TENM2: variants seen among roughly 807,000 people sequenced by gnomAD.
The protein encoded by TENM2 is teneurin-2.
In TENM2, 52 loss-of-function variants were observed where a neutral mutation model predicts 245.2. That is an observed-to-expected ratio of 0.21 (90% confidence interval 0.17 to 0.27). The LOEUF is 0.27. TENM2 is among the 10% of genes least tolerant of loss of function. TENM2 has a pLI of 1.00. For synonymous variants in TENM2, 1,363 were observed against 1,438.9 expected, an observed-to-expected ratio of 0.95 and a Z score of 1.19; for missense variants, 3,046 against 3,666.8, an observed-to-expected ratio of 0.83 and a Z score of 4.37.
chr5:168,247,453 A>G lies in TENM2; in HGVS notation c.6514A>G (p.Met2172Val). The G allele has an allele frequency of 6.2e-7, 1 of 1,613,254 alleles. No homozygotes were observed. The highest frequency in any genetic ancestry group is 2.2e-5 in the East Asian group (1 of 44,850). The change falls in exon 27 of 29, where the codon ATG (methionine) becomes GTG (valine). Residue 2172 changes from methionine (M) to valine (V), a missense_variant. Coordinates refer to ENST00000518659, the Ensembl canonical transcript of TENM2. The surrounding 1 kb of genome is among the most constrained non-coding windows in gnomAD (Gnocchi z 7.8). ...CCAGTATGAGATGTTCCGGTCCCTC[A>G]TGTACTGGATGACGGTGCAATATGA...
At chr5:167,526,713 T>A (rs1278050665) in intron 2 of TENM2, among the ~76,000 whole-genome samples, 1 of 152,178 alleles carries the variant, frequency 6.6e-6, no homozygotes, top group Non-Finnish European at 1.5e-5. Flanking sequence ...TCCTTCTTTC[T>A]AATTCCTATT....
At chr5:167,492,959 T>A (rs1254118616) in intron 2 of TENM2, among the ~76,000 whole-genome samples, 1 of 152,046 alleles carries the variant, frequency 6.6e-6, no homozygotes, top group African/African-American at 2.4e-5. Flanking sequence ...CTTGGCAAAA[T>A]GTCAGCCAGG....
intron 2 of TENM2, among the ~76,000 whole-genome samples, chr5:167,404,496 C>A (rs1006401322): frequency 6.6e-6 from 1 of 152,066 alleles, no homozygotes; most frequent in Non-Finnish European, 1.5e-5. Context: ...GTGTAGCCCA[C>A]TGGGGAGAGA....
intron 7 of TENM2, among the ~76,000 whole-genome samples, chr5:168,073,726 G>T (rs1791224832): frequency 6.6e-6 from 1 of 152,212 alleles, no homozygotes; most frequent in Admixed American, 6.5e-5. Flanking sequence ...GGAAAATCTT[G>T]TTGAAAATAA....
chr5:168,206,071 C>T (rs555312170), intron 19 of TENM2, among the ~76,000 whole-genome samples: 10 of 152,284 alleles, frequency 6.6e-5, no homozygotes, highest in East Asian at 3.9e-4. Context: ...AAGACAGAAA[C>T]GAATCAAGGG....
At chr5:167,516,657 A>G (rs1770398697) in intron 2 of TENM2, among the ~76,000 whole-genome samples, 1 of 152,206 alleles carries the variant, frequency 6.6e-6, no homozygotes, top group Non-Finnish European at 1.5e-5. Context: ...ATGATTTTCC[A>G]CATCCCATTT....
intron 2 of TENM2, among the ~76,000 whole-genome samples, chr5:167,799,949 G>A (rs1378648802): frequency 6.6e-6 from 1 of 152,296 alleles, no homozygotes; most frequent in South Asian, 2.1e-4. Context: ...TAGGCCCTAG[G>A]CATGTGTGTT....
intron 2 of TENM2, among the ~76,000 whole-genome samples, chr5:167,482,554 A>T (rs1444734640): frequency 6.6e-6 from 1 of 152,154 alleles, no homozygotes; most frequent in Non-Finnish European, 1.5e-5. Context: ...AATTCAGTTG[A>T]GAAGTTGGAT....
At chr5:167,253,664 A>G in the TENM2 span, among the ~76,000 whole-genome samples, 1 of 152,042 alleles carries the variant, frequency 6.6e-6, no homozygotes, top group Non-Finnish European at 1.5e-5. Flanking sequence ...AGATAGTAAT[A>G]TTTTCTCTTT....
At chr5:167,308,895 G>C (rs1444509166) in intron 1 of TENM2, among the ~76,000 whole-genome samples, 1 of 152,122 alleles carries the variant, frequency 6.6e-6, no homozygotes, top group African/African-American at 2.4e-5. Flanking sequence ...AAACCATTTT[G>C]GGGGTGAAGG....
intron 7 of TENM2, among the ~76,000 whole-genome samples, chr5:168,078,219 A>G (rs1448315739): frequency 6.6e-6 from 1 of 152,164 alleles, no homozygotes; most frequent in African/African-American, 2.4e-5. Flanking sequence ...GGCTGCATAA[A>G]TGTCTTCTTT....
At chr5:167,408,477 GT>G (rs1246015324) in intron 2 of TENM2, among the ~76,000 whole-genome samples, 1 of 151,896 alleles carries the variant, frequency 6.6e-6, no homozygotes, top group Non-Finnish European at 1.5e-5. Flanking sequence ...AGAGCTTCAG[GT>G]GATAAATGAC....
At chr5:167,338,094 T>C (rs1757883190) in intron 1 of TENM2, among the ~76,000 whole-genome samples, 1 of 152,194 alleles carries the variant, frequency 6.6e-6, no homozygotes, top group African/African-American at 2.4e-5. Context: ...TCTATATTGT[T>C]ACAAAAGGTC....
At chr5:168,008,573 G>T (rs1231777152) in intron 5 of TENM2, among the ~76,000 whole-genome samples, 1 of 152,144 alleles carries the variant, frequency 6.6e-6, no homozygotes, top group Admixed American at 6.5e-5. Context: ...TAATCAGTGG[G>T]TGTGTGTTGG....
rs532375857 is a variant in TENM2 at position 167,858,572 on chromosome 5, C to T, written c.503-17414C>T. ...GCTCGAAGGCGCCGCGGGCTGGGGT[C>T]GGTGGCTTAGGGAGCCCGTCCGGCC... On this transcript the variant is annotated intron_variant, in intron 2 of 28. Transcript: ENST00000518659. 3.9e-5 allele frequency among the ~76,000 whole-genome samples: 6 copies of T among 152,076 alleles called. No homozygotes were observed. The South Asian group carries it at 1.2e-3, about 31-fold the overall frequency.
rs191017159 is a variant in TENM2 at position 167,351,144 on chromosome 5, A to G, written c.227-24054A>G. Reference sequence around the variant, plus strand: ...ATATGGATATATATATGGGATATATACATATGGATTATATATATATGGGAT... The same window carrying G: ...ATATGGATATATATATGGGATATATGCATATGGATTATATATATATGGGAT... On this transcript the variant is annotated intron_variant, in intron 1 of 28. Coordinates refer to ENST00000518659, the Ensembl canonical transcript of TENM2. 2.5e-3 allele frequency among the ~76,000 whole-genome samples: 327 copies of G among 132,770 alleles called. 1 individual carries two copies. Among genetic ancestry groups the G allele is most frequent in the African/African-American group, 8.2e-3 (313 of 38,118 alleles). The allele number at this position is 132,770 out of a possible 152,430, so 87.1% of individuals were successfully genotyped here. A position where few individuals can be genotyped will look rare whatever the true frequency, so the allele number is the denominator to read the frequency against.
chr5:167,920,346 A>G lies in TENM2; in HGVS notation c.713-32242A>G, dbSNP rs948904294. On this transcript the variant is annotated intron_variant, in intron 3 of 28. Coordinates refer to ENST00000518659, the Ensembl canonical transcript of TENM2. ...GTCTCTACTTAAAAAAAAAAGAAAAAAAAAGAAAAAAAAAATCAAAAGTTA... is the reference window on the plus strand; with the variant it reads ...GTCTCTACTTAAAAAAAAAAGAAAAGAAAAGAAAAAAAAAATCAAAAGTTA... 3.0e-3 allele frequency among the ~76,000 whole-genome samples: 448 copies of G among 151,150 alleles called. 3 individuals carry two copies. The highest frequency in any genetic ancestry group is 0.012 in the South Asian group (58 of 4,788).
At chr5:168,115,022 G>A (rs768776962) in intron 9 of TENM2, among the ~76,000 whole-genome samples, 4 of 152,032 alleles carry the variant, frequency 2.6e-5, no homozygotes, top group African/African-American at 9.7e-5. Context: ...GGTCAGGCAC[G>A]GTGGCTCACA....
intron 5 of TENM2, among the ~76,000 whole-genome samples, chr5:168,040,876 T>C (rs1013595709): frequency 1.3e-5 from 2 of 152,162 alleles, no homozygotes; most frequent in African/African-American, 2.4e-5. Flanking sequence ...GACTGGCAAT[T>C]GAAGTTGCCG....
Sources: gnomAD v4.1 joint callset for allele counts (sites outside exome capture counted in the v4.1 genomes callset) on GRCh38, gnomAD v4.1.1 for gene constraint, Gnocchi (gnomAD v3.1) non-coding constraint, MANE v1.5 for transcripts, NCBI Gene and HGNC (gene_info 2026-07-23, HGNC 2026-07-21) for gene names.